CNTN4: variants seen among roughly 807,000 people sequenced by gnomAD.
CNTN4 encodes the protein contactin 4, also known as contactin-4.
Under a neutral mutation model 122.5 loss-of-function variants are expected in CNTN4, and 77 were observed. The ratio of observed to expected loss-of-function variants is 0.63; its 90% CI spans 0.52 to 0.76. CNTN4 has a LOEUF of 0.76. Among genes scored for constraint, CNTN4 ranks in the 30% least tolerant of loss-of-function variants. CNTN4 has a pLI of 0.00. For synonymous variants in CNTN4, 512 were observed against 447.0 expected (o/e 1.15, Z -1.83); for missense variants, 1,256 against 1,259.1 (o/e 1.00, Z 0.04).
chr3:2,540,445 T>C (rs1395403425), intron 3 of CNTN4, among the ~76,000 whole-genome samples: 2 of 152,028 alleles, frequency 1.3e-5, no homozygotes, highest in Non-Finnish European at 2.9e-5. Flanking sequence ...ATGGGTGTGG[T>C]TGAAGAGCAC....
At chr3:2,541,152 A>G (rs1240099164) in intron 3 of CNTN4, among the ~76,000 whole-genome samples, 1 of 152,074 alleles carries the variant, frequency 6.6e-6, no homozygotes, top group Non-Finnish European at 1.5e-5. Flanking sequence ...GCACCCTTAA[A>G]CTCATTTGAA....
chr3:2,126,856 A>T (rs2034199656), intron 2 of CNTN4, among the ~76,000 whole-genome samples: 2 of 152,136 alleles, frequency 1.3e-5, no homozygotes. Flanking sequence ...AAGAGACGAG[A>T]AATACTGTCC....
intron 2 of CNTN4, among the ~76,000 whole-genome samples, chr3:2,108,147 AC>A (rs1237506800): frequency 6.8e-6 from 1 of 147,622 alleles, no homozygotes; most frequent in Non-Finnish European, 1.5e-5. Context: ...CCATCCTGGA[AC>A]TTTTCATGTG....
At chr3:2,245,282 A>C (rs920008255) in intron 2 of CNTN4, among the ~76,000 whole-genome samples, 4 of 152,058 alleles carry the variant, frequency 2.6e-5, no homozygotes, top group Non-Finnish European at 5.9e-5. Context: ...TTCATTTGAG[A>C]TCTAATATGT....
intron 2 of CNTN4, among the ~76,000 whole-genome samples, chr3:2,211,683 T>C (rs1245516266): frequency 6.6e-6 from 1 of 152,214 alleles, no homozygotes; most frequent in Non-Finnish European, 1.5e-5. Flanking sequence ...TTTATTTTTT[T>C]TCTTGGTTGT....
chr3:2,981,360 C>G lies in CNTN4; in HGVS notation c.1359-6985C>G, dbSNP rs371536998. ...TCGGGAGGCTGAGGCGGGAGAATGGCGTGAACCCAGGAGTTGGAGCTTGCA... is the reference window on the plus strand; with the variant it reads ...TCGGGAGGCTGAGGCGGGAGAATGGGGTGAACCCAGGAGTTGGAGCTTGCA... On this transcript the variant is annotated intron_variant, in intron 13 of 24. Coordinates refer to ENST00000418658, the MANE Select transcript of CNTN4 (RefSeq NM_175607.3). 3.6e-3 allele frequency among the ~76,000 whole-genome samples: 542 copies of G among 150,550 alleles called. 6 individuals carry two copies. Among genetic ancestry groups the G allele is most frequent in the African/African-American group, 0.013 (516 of 40,062 alleles).
intron 12 of CNTN4, among the ~76,000 whole-genome samples, chr3:2,916,795 C>T (rs1037588123): frequency 6.7e-6 from 1 of 150,306 alleles, no homozygotes; most frequent in Non-Finnish European, 1.5e-5. Flanking sequence ...AGGGGCCCCC[C>T]ACCTCCCAGA....
At position 3,046,236 on chromosome 3, in the gene CNTN4, T is replaced by C. The variant is rs368857197; in HGVS notation, c.2811+2532T>C. Among the ~76,000 whole-genome samples the C allele has an allele frequency of 6.0e-4, 91 of 152,266 alleles. 6 individuals are homozygous for C. In the East Asian group the frequency reaches 0.014, roughly 24 times the overall value. On this transcript the variant is annotated intron_variant, in intron 23 of 24. Coordinates refer to ENST00000418658, the MANE Select transcript of CNTN4 (RefSeq NM_175607.3). ...ATTATCCAGGAGAACTTCCCCAGCCTAGCAAGGCAGGCCAACATTCAAATT... is the reference window on the plus strand; with the variant it reads ...ATTATCCAGGAGAACTTCCCCAGCCCAGCAAGGCAGGCCAACATTCAAATT...
chr3:2,861,278 C>T (rs766735545), intron 7 of CNTN4, among the ~76,000 whole-genome samples: 2 of 152,166 alleles, frequency 1.3e-5, no homozygotes, highest in Non-Finnish European at 2.9e-5. Flanking sequence ...TTTCCCTTTG[C>T]TCAGCACACT....
chr3:2,897,842 G>C (rs1008923547), intron 10 of CNTN4, among the ~76,000 whole-genome samples: 1 of 152,124 alleles, frequency 6.6e-6, no homozygotes. Context: ...CTTCAGATTA[G>C]GGATGTTCAA....
At chr3:2,290,639 C>T (rs1401603248) in intron 2 of CNTN4, among the ~76,000 whole-genome samples, 1 of 152,116 alleles carries the variant, frequency 6.6e-6, no homozygotes, top group Non-Finnish European at 1.5e-5. Flanking sequence ...GATGAAAGAA[C>T]TACAGGTAAG....
chr3:2,549,492 G>A (rs2149350222), intron 3 of CNTN4, among the ~76,000 whole-genome samples: 1 of 152,206 alleles, frequency 6.6e-6, no homozygotes, highest in African/African-American at 2.4e-5. Context: ...TTTAAGTGGT[G>A]GATTACATTG....
intron 5 of CNTN4, among the ~76,000 whole-genome samples, chr3:2,744,770 TA>T (rs1307976212): frequency 1.3e-5 from 2 of 152,188 alleles, no homozygotes; most frequent in African/African-American, 4.8e-5. Flanking sequence ...ACTTCGCTGT[TA>T]AAATGTGTGG....
At chr3:2,671,789 T>C (rs1559370437) in intron 4 of CNTN4, among the ~76,000 whole-genome samples, 3 of 152,214 alleles carry the variant, frequency 2.0e-5, no homozygotes, top group African/African-American at 7.2e-5. Context: ...GTGGATGTCC[T>C]TTCTGTTTGT....
chr3:2,534,073 G>T (rs560341698), intron 3 of CNTN4, among the ~76,000 whole-genome samples: 1 of 152,000 alleles, frequency 6.6e-6, no homozygotes, highest in Non-Finnish European at 1.5e-5. Flanking sequence ...CACTCTGATG[G>T]TTGTTTCTTT....
At chr3:2,873,021 C>A (rs1438331334) in intron 8 of CNTN4, among the ~76,000 whole-genome samples, 1 of 152,114 alleles carries the variant, frequency 6.6e-6, no homozygotes, top group East Asian at 1.9e-4. Context: ...AGCTTTCACC[C>A]AGTAGGAAAA....
In CNTN4 at chr3:2,887,020, C is replaced by G; in HGVS notation, c.756-20C>G. On this transcript the variant is annotated intron_variant, in intron 9 of 24. Coordinates refer to ENST00000418658, the MANE Select transcript of CNTN4 (RefSeq NM_175607.3). ...CAGTTTTCTCTAGTTTGATTCACTC[C>G]TTTTTATTCTTGCTATCAGTCCAGT... 1.2e-6 allele frequency: 2 copies of G among 1,609,930 alleles called. No homozygotes were observed. Among genetic ancestry groups the G allele is most frequent in the Non-Finnish European group, 8.5e-7 (1 of 1,177,246 alleles).
intron 2 of CNTN4, among the ~76,000 whole-genome samples, chr3:2,282,036 C>T (rs1426899902): frequency 6.6e-6 from 1 of 151,934 alleles, no homozygotes; most frequent in East Asian, 1.9e-4. Context: ...TCTAAAATTG[C>T]CCTTTGAAAT....
intron 3 of CNTN4, among the ~76,000 whole-genome samples, chr3:2,466,949 T>TCTTC (rs1491217668): frequency 2.2e-5 from 3 of 138,816 alleles, no homozygotes; most frequent in African/African-American, 8.1e-5. Flanking sequence ...TTAGTTTTTT[T>TCTTC]CTTTCTTTCT....
Sources: gnomAD v4.1 joint callset for allele counts (sites outside exome capture counted in the v4.1 genomes callset) on GRCh38, gnomAD v4.1.1 for gene constraint, MANE v1.5 for transcripts, NCBI Gene and HGNC (gene_info 2026-07-23, HGNC 2026-07-21) for gene names.